NRXN3: variants seen among roughly 807,000 people sequenced by gnomAD.
The protein encoded by NRXN3 is neurexin 3, also known as neurexin III.
Under a neutral mutation model 137.6 loss-of-function variants are expected in NRXN3, and 32 were observed. That is an observed-to-expected ratio of 0.23 (90% CI 0.18 to 0.31). The LOEUF (loss-of-function observed/expected upper bound fraction) is 0.31. Among genes scored for constraint, NRXN3 ranks in the 10% least tolerant of loss-of-function variants. NRXN3 has a pLI of 1.00. For synonymous variants in NRXN3, 798 were observed against 784.5 expected, an observed-to-expected ratio of 1.02 and a Z score of -0.29; for missense variants, 1,574 against 2,062.5, an observed-to-expected ratio of 0.76 and a Z score of 4.59.
chr14:79,779,046 T>C (rs2099106064), intron 19 of NRXN3, among the ~76,000 whole-genome samples: 1 of 152,252 alleles, frequency 6.6e-6, no homozygotes, highest in African/African-American at 2.4e-5. Flanking sequence ...TGGAATACAG[T>C]GCACAAAATA....
intron 15 of NRXN3, among the ~76,000 whole-genome samples, chr14:79,413,609 C>T (rs1038265825): frequency 8.5e-5 from 13 of 152,068 alleles, no homozygotes; most frequent in Admixed American, 8.5e-4. Flanking sequence ...CAGACTGCTC[C>T]TCCTTCCCCA....
intron 4 of NRXN3, among the ~76,000 whole-genome samples, chr14:78,420,976 A>C (rs907100800): frequency 9.8e-5 from 15 of 152,352 alleles, no homozygotes; most frequent in Admixed American, 9.1e-4. Context: ...TAGACAGCAC[A>C]GCATGGGGAC....
At position 78,714,407 on chromosome 14, in the gene NRXN3, G is replaced by A. The variant is rs77214374; in HGVS notation, c.1661-349G>A. On this transcript the variant is annotated intron_variant, in intron 7 of 20. Transcript: ENST00000335750. ...CAGGAAGGTGAAGTCACTTCTTCAC[G>A]GTTATACAGCTCATACATATTAGAG... Among the ~76,000 whole-genome samples the A allele has an allele frequency of 1.0e-3, 154 of 152,284 alleles. No individual in the cohort carries two copies. In the East Asian group the frequency reaches 0.024, roughly 24 times the overall value.
At chr14:78,877,661 T>C (rs2099117070) in intron 10 of NRXN3, among the ~76,000 whole-genome samples, 1 of 152,234 alleles carries the variant, frequency 6.6e-6, no homozygotes, top group Non-Finnish European at 1.5e-5. Flanking sequence ...TGAATCCATG[T>C]GTAATGTTAA....
intron 10 of NRXN3, among the ~76,000 whole-genome samples, chr14:78,943,700 G>A (rs2099359773): frequency 1.7e-5 from 2 of 117,624 alleles, no homozygotes; most frequent in Admixed American, 1.0e-4. Flanking sequence ...CTAGAAAAAG[G>A]ATAGGAAGTG....
At chr14:79,492,305 C>T (rs2096724631) in intron 16 of NRXN3, among the ~76,000 whole-genome samples, 2 of 152,094 alleles carry the variant, frequency 1.3e-5, no homozygotes, top group Admixed American at 1.3e-4. Flanking sequence ...GTCAATAGGT[C>T]CCTATTCTCC....
intron 15 of NRXN3, among the ~76,000 whole-genome samples, chr14:79,135,495 A>T (rs2058122687): frequency 6.6e-6 from 1 of 152,210 alleles, no homozygotes; most frequent in Admixed American, 6.5e-5. Context: ...CTTGCTAAGC[A>T]ATACCCCAAG....
intron 6 of NRXN3, among the ~76,000 whole-genome samples, chr14:78,700,891 C>T (rs2098271663): frequency 6.6e-6 from 1 of 152,112 alleles, no homozygotes. Context: ...CCTGCTTCAG[C>T]CTCCCGAGTA....
chr14:79,276,516 A>C (rs1476761663), intron 15 of NRXN3, among the ~76,000 whole-genome samples: 1 of 152,176 alleles, frequency 6.6e-6, no homozygotes, highest in Non-Finnish European at 1.5e-5. Context: ...AAAGTAAATA[A>C]ATAAATTATA....
intron 11 of NRXN3, among the ~76,000 whole-genome samples, chr14:78,960,793 C>T (rs1032933514): frequency 2.6e-5 from 4 of 152,082 alleles, no homozygotes; most frequent in African/African-American, 7.2e-5. Context: ...CTGTCCTTAC[C>T]TACATAGCAT....
intron 8 of NRXN3, among the ~76,000 whole-genome samples, chr14:78,791,557 A>G (rs1051064005): frequency 1.3e-5 from 2 of 152,190 alleles, no homozygotes; most frequent in Admixed American, 6.5e-5. Context: ...GAAACTTAGT[A>G]CATATTCTTA....
intron 4 of NRXN3, among the ~76,000 whole-genome samples, chr14:78,460,941 C>T (rs2192412): frequency 0.092 from 13,927 of 152,160 alleles, 799 homozygotes; most frequent in Admixed American, 0.15. Flanking sequence ...TTATTTGTAC[C>T]TTGTTTGTAA....
intron 16 of NRXN3, among the ~76,000 whole-genome samples, chr14:79,622,138 G>A (rs1311784215): frequency 6.6e-6 from 1 of 152,080 alleles, no homozygotes; most frequent in Admixed American, 6.5e-5. Flanking sequence ...AGGATTTTGG[G>A]TTATGGTTTA....
intron 6 of NRXN3, among the ~76,000 whole-genome samples, chr14:78,689,827 T>C (rs1227573490): frequency 6.8e-6 from 1 of 147,406 alleles, no homozygotes; most frequent in Non-Finnish European, 1.5e-5. Context: ...ACTCTCTTTC[T>C]CTCTCTCTCT....
intron 4 of NRXN3, among the ~76,000 whole-genome samples, chr14:78,393,439 C>G (rs1334584747): frequency 2.6e-5 from 4 of 151,954 alleles, no homozygotes; most frequent in African/African-American, 9.7e-5. Context: ...TTCCCGTAGG[C>G]CTATTTATGA....
intron 4 of NRXN3, among the ~76,000 whole-genome samples, chr14:78,536,313 T>C (rs957073018): frequency 1.3e-5 from 2 of 152,176 alleles, no homozygotes; most frequent in Admixed American, 6.5e-5. Context: ...TTTCCCTAGA[T>C]AGTAGCTGGC....
rs538644045 is a variant in NRXN3, at chr14:78,831,198, T to G, written c.2275+20854T>G. On this transcript the variant is annotated intron_variant, in intron 10 of 20. Transcript: ENST00000335750. Reference sequence around the variant, plus strand: ...CCTAAGCTGGTGATAAGGCTTGGACTTTTAATTTCCAAATTATAGCATGCA... The same window carrying G: ...CCTAAGCTGGTGATAAGGCTTGGACGTTTAATTTCCAAATTATAGCATGCA... Among the ~76,000 whole-genome samples the G allele has an allele frequency of 4.6e-5, 7 of 152,226 alleles. No individual in the cohort carries two copies. In the South Asian group the frequency reaches 1.2e-3, roughly 27 times the overall value.
At chr14:78,544,352 G>A (rs572945361) in intron 4 of NRXN3, among the ~76,000 whole-genome samples, 1 of 152,308 alleles carries the variant, frequency 6.6e-6, no homozygotes, top group South Asian at 2.1e-4. Flanking sequence ...TGAAGCCAAA[G>A]TGCTGGATTT....
chr14:78,845,198 A>G (rs1282476517), intron 10 of NRXN3, among the ~76,000 whole-genome samples: 3 of 152,188 alleles, frequency 2.0e-5, no homozygotes, highest in East Asian at 1.9e-4. Flanking sequence ...ATTGAACTGT[A>G]CTTTCTATAT....
Sources: gnomAD v4.1 joint callset for allele counts (sites outside exome capture counted in the v4.1 genomes callset) on GRCh38, gnomAD v4.1.1 for gene constraint, MANE v1.5 for transcripts, NCBI Gene and HGNC (gene_info 2026-07-23, HGNC 2026-07-21) for gene names.